Variants in ANO1 observed in about 807,000 individuals in gnomAD.
ANO1 encodes anoctamin 1.
ANO1 carries 59 observed loss-of-function variants against 124.0 expected under a neutral mutation model. The ratio of observed to expected loss-of-function variants is 0.48; its 90% CI spans 0.39 to 0.59. The LOEUF (loss-of-function observed/expected upper bound fraction) is 0.59, where lower values mean the gene tolerates loss of function less well. Among genes scored for constraint, ANO1 ranks in the 20% least tolerant of loss-of-function variants. The pLI, the probability that ANO1 is intolerant of heterozygous loss-of-function variation, is 0.00. For missense variants in ANO1, 1,059 were observed against 1,328.0 expected, an observed-to-expected ratio of 0.80 and a Z score of 3.15; for synonymous variants, 529 against 532.0, an observed-to-expected ratio of 0.99 and a Z score of 0.08.
intron 1 of ANO1, among the ~76,000 whole-genome samples, chr11:70,013,656 G>T (rs940985956): frequency 6.6e-6 from 1 of 151,886 alleles, no homozygotes; most frequent in Non-Finnish European, 1.5e-5. Context: ...CAAAAAATTA[G>T]CCAGGTGTGG....
chr11:70,122,672 G>A (rs2046342688), intron 8 of ANO1, among the ~76,000 whole-genome samples: 1 of 144,630 alleles, frequency 6.9e-6, no homozygotes, highest in Non-Finnish European at 1.5e-5. Flanking sequence ...ATCTGTCTCT[G>A]TCTCTCTCTC....
chr11:70,184,013 T>C (rs1030208841), intron 24 of ANO1, among the ~76,000 whole-genome samples: 1 of 152,162 alleles, frequency 6.6e-6, no homozygotes, highest in African/African-American at 2.4e-5. Context: ...ACCAGGGATG[T>C]GGGTCCAGGC....
At chr11:70,067,476 T>C (rs932255620) in intron 1 of ANO1, among the ~76,000 whole-genome samples, 18 of 152,120 alleles carry the variant, frequency 1.2e-4, no homozygotes, top group Non-Finnish European at 1.9e-4. Context: ...TACAGGCGCC[T>C]GCCATCATGC....
At chr11:70,041,773 A>T (rs944869244) in intron 1 of ANO1, among the ~76,000 whole-genome samples, 1 of 152,102 alleles carries the variant, frequency 6.6e-6, no homozygotes, top group Non-Finnish European at 1.5e-5. Flanking sequence ...TTAGTAGAGG[A>T]TGTTGGAGGA....
chr11:70,173,621 A>C (rs990831109), intron 22 of ANO1, among the ~76,000 whole-genome samples: 9 of 152,138 alleles, frequency 5.9e-5, no homozygotes, highest in African/African-American at 2.2e-4. Flanking sequence ...AGAGGTTTGC[A>C]CTTGTTTTCT....
chr11:70,009,652 G>A (rs1856554374), intron 1 of ANO1, among the ~76,000 whole-genome samples: 1 of 152,182 alleles, frequency 6.6e-6, no homozygotes, highest in African/African-American at 2.4e-5. Flanking sequence ...GGTTGGGAAG[G>A]TCAAGACTGG....
chr11:70,035,621 C>T (rs1555004310), intron 1 of ANO1, among the ~76,000 whole-genome samples: 1 of 151,826 alleles, frequency 6.6e-6, no homozygotes, highest in Non-Finnish European at 1.5e-5. Flanking sequence ...CTGCACCCAT[C>T]AACTCATCAT....
upstream of ANO1, among the ~76,000 whole-genome samples, chr11:69,981,603 G>A (rs1855960360): frequency 6.6e-6 from 1 of 152,182 alleles, no homozygotes; most frequent in South Asian, 2.1e-4. Flanking sequence ...TTTGCTGCTG[G>A]GAGCCCCTGG....
At chr11:70,060,331 T>C (rs897501271) in intron 1 of ANO1, among the ~76,000 whole-genome samples, 2 of 152,176 alleles carry the variant, frequency 1.3e-5, no homozygotes, top group Admixed American at 6.5e-5. Flanking sequence ...CGACAGCATA[T>C]CCAGCTTTAG....
chr11:70,021,574 C>T lies in ANO1; in HGVS notation c.58+35408C>T, dbSNP rs946688131. ...AACTGAGGACGTGGTTCCCATTGTCCCCCGGAACCTGGTCCATTTAAAGCG... is the reference window on the plus strand; with the variant it reads ...AACTGAGGACGTGGTTCCCATTGTCTCCCGGAACCTGGTCCATTTAAAGCG... On this transcript the variant is annotated intron_variant, in intron 1 of 27. Coordinates refer to the ANO1 transcript ENST00000531349. 8.5e-5 allele frequency among the ~76,000 whole-genome samples: 13 copies of T among 152,128 alleles called. No homozygotes were observed. In the East Asian group the frequency reaches 2.1e-3, roughly 25 times the overall value.
intron 1 of ANO1, among the ~76,000 whole-genome samples, chr11:70,004,670 G>A (rs1554999812): frequency 6.6e-6 from 1 of 152,256 alleles, no homozygotes; most frequent in African/African-American, 2.4e-5. Flanking sequence ...GTGGAGCAAT[G>A]GAGATATCTT....
At chr11:70,128,174 C>A (rs2046600023) in intron 10 of ANO1, among the ~76,000 whole-genome samples, 1 of 151,302 alleles carries the variant, frequency 6.6e-6, no homozygotes, top group African/African-American at 2.4e-5. Flanking sequence ...CACCCCCACC[C>A]CCGAATCAAA....
chr11:69,982,587 A>G (rs562345790), upstream of ANO1, among the ~76,000 whole-genome samples: 9 of 152,350 alleles, frequency 5.9e-5, no homozygotes, highest in Non-Finnish European at 1.2e-4. Context: ...TTCTTGTCCT[A>G]TCCCTACAGA....
intron 2 of ANO1, among the ~76,000 whole-genome samples, chr11:70,088,428 G>C (rs1049801009): frequency 2.1e-4 from 32 of 149,192 alleles, no homozygotes; most frequent in Admixed American, 6.8e-4. Flanking sequence ...AAAATCACTT[G>C]AACCCAGGAG....
intron 13 of ANO1, 58 bp downstream of exon 13, chr11:70,152,519 A>G: frequency 6.3e-7 from 1 of 1,575,728 alleles, no homozygotes; most frequent in Non-Finnish European, 8.7e-7. Flanking sequence ...TGGGAGAGGG[A>G]CCTTCTCTTG....
chr11:70,176,555 G>A (rs2048708024), intron 22 of ANO1, among the ~76,000 whole-genome samples: 1 of 152,166 alleles, frequency 6.6e-6, no homozygotes, highest in Non-Finnish European at 1.5e-5. Flanking sequence ...TGCAGATGAA[G>A]CCTCCCGGTA....
At chr11:70,055,336 G>T (rs1341342321) in intron 1 of ANO1, among the ~76,000 whole-genome samples, 9 of 151,848 alleles carry the variant, frequency 5.9e-5, no homozygotes, top group Admixed American at 5.9e-4. Context: ...TTTTAGTTCT[G>T]TCAGTTTTGG....
chr11:69,986,700 C>T (rs1856050127), intron 1 of ANO1, among the ~76,000 whole-genome samples: 1 of 152,132 alleles, frequency 6.6e-6, no homozygotes, highest in South Asian at 2.1e-4. Flanking sequence ...GGACGCTAGG[C>T]CGGAGGGGGA....
intron 1 of ANO1, among the ~76,000 whole-genome samples, chr11:70,055,363 A>G (rs1555006702): frequency 6.6e-6 from 1 of 152,104 alleles, no homozygotes; most frequent in East Asian, 1.9e-4. Context: ...GTATTTTGAT[A>G]TATACATAAT....
Sources: gnomAD v4.1 joint callset for allele counts (sites outside exome capture counted in the v4.1 genomes callset) on GRCh38, gnomAD v4.1.1 for gene constraint, MANE v1.5 for transcripts, NCBI Gene and HGNC (gene_info 2026-07-23, HGNC 2026-07-21) for gene names.